MYO18B: variants seen among roughly 807,000 people sequenced by gnomAD.
MYO18B encodes the protein myosin XVIIIB, also known as unconventional myosin-XVIIIb.
A neutral mutation model predicts 273.0 loss-of-function variants in MYO18B; 204 were observed. The observed-to-expected ratio is 0.75, with a 90% CI of 0.67 to 0.84. The LOEUF (loss-of-function observed/expected upper bound fraction) is 0.84. MYO18B is among the 40% of genes least tolerant of loss of function. The probability of loss-of-function intolerance (pLI) is 0.00; values close to 1 mark genes in which losing one functional copy is unlikely to be tolerated. For synonymous variants in MYO18B, 1,330 were observed against 1,305.7 expected, an observed-to-expected ratio of 1.02 and a Z score of -0.40; for missense variants, 3,212 against 3,287.6, an observed-to-expected ratio of 0.98 and a Z score of 0.56.
Position 26,026,511 on chromosome 22 carries a change from C to T in MYO18B, c.6537C>T (p.Ser2179=), listed in dbSNP as rs750486477. 1.9e-6 allele frequency: 3 copies of T among 1,613,906 alleles called. No homozygotes were observed. Among genetic ancestry groups the T allele is most frequent in the Non-Finnish European group, 2.5e-6 (3 of 1,179,892 alleles). Residue 2179 remains serine, a synonymous_variant, in exon 43 of 44, where the codon TCC becomes TCT. Coordinates refer to ENST00000335473, the MANE Select transcript of MYO18B (RefSeq NM_032608.7). ...QSALALSRAR[S]TNVHSKTSGD... is the part of the protein sequence containing the mutation. Reference sequence around the variant, plus strand: ...CATTGGCACTGAGCAGAGCCCGGTCCACCAATGTCCACAGCAAGACCTCAG... The same window carrying T: ...CATTGGCACTGAGCAGAGCCCGGTCTACCAATGTCCACAGCAAGACCTCAG...
At chr22:25,799,020 T>C (rs1388632021) in intron 12 of MYO18B, among the ~76,000 whole-genome samples, 1 of 152,158 alleles carries the variant, frequency 6.6e-6, no homozygotes, top group East Asian at 1.9e-4. Flanking sequence ...CCCCTAGTTC[T>C]TACCCTCTCC....
In MYO18B at chr22:25,769,029, G is replaced by C. The variant is rs1354268174; in HGVS notation, c.1113G>C (p.Met371Ile). The part of the protein sequence containing the change: ...VQGELGDDLR[M>I]GEKAGELRST... The stretch of plus-strand genomic sequence containing the variant: ...GCGAGTTGGGGGACGATCTGAGAAT[G>C]GGGGAGAAAGCAGGTGAGCTTCGGA... Residue 371 changes from methionine to isoleucine, a missense_variant, in exon 4 of 44, where the codon ATG becomes ATC. Physicochemically the swap from Met to Ile is conservative, Grantham distance 10 (BLOSUM62 1). Transcript: ENST00000335473. The C allele has an allele frequency of 2.5e-6, 4 of 1,611,476 alleles. No individual in the cohort carries two copies. Among genetic ancestry groups the C allele is most frequent in the Admixed American group, 1.7e-5 (1 of 59,612 alleles).
At chr22:25,974,270 C>A (rs2146752265) in intron 39 of MYO18B, among the ~76,000 whole-genome samples, 1 of 152,210 alleles carries the variant, frequency 6.6e-6, no homozygotes, top group South Asian at 2.1e-4. Context: ...AGCCTTCAAG[C>A]CAGAAAATCT....
rs574569033 is a variant in MYO18B at position 25,777,596 on chromosome 22, G to T, written c.1883G>T (p.Arg628Leu). ...ATCTTCCTGCAGGTGCCCAAGGGCC[G>T]CCGGGATGGCCTGCCTGCCCACATT... is the stretch of plus-strand genomic sequence containing the variant. Reference protein sequence around the residue: ...VPSAGKVPKGRRDGLPAHIGS... With the variant: ...VPSAGKVPKGLRDGLPAHIGS... The change falls in exon 8 of 44, where the codon CGC (arginine) becomes CTC (leucine). Residue 628 changes from arginine (R) to leucine (L), a missense_variant. Transcript: ENST00000335473. The T allele has an allele frequency of 1.3e-6, 2 of 1,592,392 alleles. No homozygotes were observed. Among genetic ancestry groups the T allele is most frequent in the Non-Finnish European group, 1.7e-6 (2 of 1,169,790 alleles).
At chr22:25,814,961 G>T (rs973457546) in intron 12 of MYO18B, among the ~76,000 whole-genome samples, 23 of 152,172 alleles carry the variant, frequency 1.5e-4, no homozygotes, top group Non-Finnish European at 4.4e-5. Context: ...GGGACCAAGA[G>T]GTTCTGTCTT....
At chr22:25,806,515 G>A (rs1438819912) in intron 12 of MYO18B, among the ~76,000 whole-genome samples, 1 of 152,160 alleles carries the variant, frequency 6.6e-6, no homozygotes. Context: ...CATCACTGAT[G>A]GGTTCCTGGG....
At chr22:25,832,799 G>T in intron 15 of MYO18B, 118 bp from the exon 16 acceptor site, 1 of 841,382 alleles carries the variant, frequency 1.2e-6, no homozygotes, top group Admixed American at 2.8e-5. Flanking sequence ...TTAAAAAAAC[G>T]ATTTTTTTAA....
At chr22:25,979,657 T>C (rs2093129325) in intron 39 of MYO18B, among the ~76,000 whole-genome samples, 3 of 152,272 alleles carry the variant, frequency 2.0e-5, no homozygotes, top group Admixed American at 6.5e-5. Context: ...TTTTTAGGGA[T>C]GGGAAAGCTA....
chr22:26,017,438 G>A lies in MYO18B; in HGVS notation c.6471-9007G>A, dbSNP rs1304108718. ...TTCCTTCCCCTTATGAAAACAAGTT[G>A]ACAACATCACAACAGCTCTCCTTAA... is the stretch of plus-strand genomic sequence containing the variant. On this transcript the variant is annotated intron_variant, in intron 42 of 43. Transcript: ENST00000335473. Among the ~76,000 whole-genome samples, 5 of 146,896 alleles carry A rather than the reference G, an allele frequency of 3.4e-5. No individual in the cohort carries two copies. In the Admixed American group the frequency reaches 3.5e-4, roughly 10 times the overall value.
At chr22:25,919,678 A>ATGTGTGTGTG (rs35856330) in intron 33 of MYO18B, among the ~76,000 whole-genome samples, 23 of 147,984 alleles carry the variant, frequency 1.6e-4, no homozygotes, top group African/African-American at 5.5e-4. Flanking sequence ...GTGTGTGTGT[A>ATGTGTGTGTG]TGTGTGTGTG....
chr22:25,759,806 G>C (rs1432515134), intron 1 of MYO18B, among the ~76,000 whole-genome samples: 1 of 152,126 alleles, frequency 6.6e-6, no homozygotes, highest in Non-Finnish European at 1.5e-5. Context: ...CTGTTACTGC[G>C]AATTGGAGGT....
intron 34 of MYO18B, among the ~76,000 whole-genome samples, chr22:25,931,276 A>G (rs2285204): frequency 0.37 from 56,064 of 152,176 alleles, 12,655 homozygotes; most frequent in East Asian, 0.51. Context: ...GACACATTCA[A>G]TGCTATGATG....
intron 34 of MYO18B, among the ~76,000 whole-genome samples, chr22:25,930,859 T>A (rs1457619254): frequency 6.6e-6 from 1 of 152,162 alleles, no homozygotes; most frequent in Admixed American, 6.5e-5. Context: ...CTTGTGCGAC[T>A]TATACACTGT....
At chr22:25,782,708 C>T (rs538767827) in intron 10 of MYO18B, among the ~76,000 whole-genome samples, 1 of 152,324 alleles carries the variant, frequency 6.6e-6, no homozygotes, top group African/African-American at 2.4e-5. Context: ...AACCTTCCCT[C>T]CCCATCTGAA....
chr22:25,789,958 G>C (rs2087585238), intron 11 of MYO18B, among the ~76,000 whole-genome samples: 1 of 152,176 alleles, frequency 6.6e-6, no homozygotes, highest in Non-Finnish European at 1.5e-5. Context: ...TTTGAGACCA[G>C]GCAGACCATT....
intron 39 of MYO18B, among the ~76,000 whole-genome samples, chr22:25,991,091 T>C (rs1006368614): frequency 4.6e-5 from 7 of 152,226 alleles, no homozygotes; most frequent in Non-Finnish European, 8.8e-5. Flanking sequence ...TTATTTCTAA[T>C]GTTGATGTCT....
chr22:25,919,813 G>A (rs2092316062), intron 33 of MYO18B, among the ~76,000 whole-genome samples: 1 of 152,120 alleles, frequency 6.6e-6, no homozygotes, highest in Admixed American at 6.6e-5. Flanking sequence ...ACCAGCAGTA[G>A]AGAAATAGAA....
chr22:25,763,067 G>A (rs751777098), intron 2 of MYO18B, 164 bp from the exon 3 acceptor site: 97 of 804,472 alleles, frequency 1.2e-4, no homozygotes, highest in Non-Finnish European at 1.9e-4. Flanking sequence ...GGACCCCCCT[G>A]AGTCGTGCTG....
intron 33 of MYO18B, among the ~76,000 whole-genome samples, chr22:25,911,437 A>T (rs2092156618): frequency 6.6e-6 from 1 of 152,180 alleles, no homozygotes. Flanking sequence ...ATGTAGCTTT[A>T]AGCTCCAGAG....
Sources: gnomAD v4.1 joint callset for allele counts (sites outside exome capture counted in the v4.1 genomes callset) on GRCh38, gnomAD v4.1.1 for gene constraint, MANE v1.5 for transcripts, NCBI Gene and HGNC (gene_info 2026-07-23, HGNC 2026-07-21) for gene names.